DNAH3: variants seen among roughly 807,000 people sequenced by gnomAD.
The protein encoded by DNAH3 is dynein axonemal heavy chain 3.
In DNAH3, 332 loss-of-function variants were observed where a neutral mutation model predicts 432.5. That is an observed-to-expected ratio of 0.77 (90% CI 0.70 to 0.84). The LOEUF (loss-of-function observed/expected upper bound fraction) is 0.84. Ranked by LOEUF, DNAH3 falls within the 40% of genes least tolerant of loss-of-function variation. The pLI is 0.00. For missense variants in DNAH3, 4,861 were observed against 5,114.0 expected, an observed-to-expected ratio of 0.95 and a Z score of 1.51; for synonymous variants, 1,956 against 1,900.2, an observed-to-expected ratio of 1.03 and a Z score of -0.76.
At chr16:20,979,511 A>C in exon 50 of DNAH3, 1 of 1,614,086 alleles carries the variant, frequency 6.2e-7, no homozygotes, top group Non-Finnish European at 8.5e-7. Flanking sequence ...CAGCTTCTTG[A>C]CGCTCTCTTG....
At chr16:21,028,231 A>G (rs957570532) in intron 37 of DNAH3, among the ~76,000 whole-genome samples, 40 of 152,036 alleles carry the variant, frequency 2.6e-4, no homozygotes, top group African/African-American at 9.7e-4. Flanking sequence ...TTTTGTAGAG[A>G]CAGGATCTCA....
intron 31 of DNAH3, among the ~76,000 whole-genome samples, chr16:21,042,940 C>T (rs958025757): frequency 2.0e-4 from 30 of 152,116 alleles, no homozygotes; most frequent in Admixed American, 1.3e-3. Context: ...TTTGTTCTTG[C>T]GATAGTTTAC....
chr16:21,105,443 G>A (rs895215495), intron 15 of DNAH3, among the ~76,000 whole-genome samples: 9 of 152,048 alleles, frequency 5.9e-5, no homozygotes, highest in African/African-American at 1.9e-4. Context: ...AAAGTGTCTC[G>A]GCCTCTTCAA....
intron 19 of DNAH3, 22 bp from the exon 20 acceptor site, chr16:21,081,749 A>C: frequency 6.2e-7 from 1 of 1,607,714 alleles, no homozygotes; most frequent in South Asian, 1.1e-5. Flanking sequence ...AGAGGAAAGC[A>C]AATGTTTGTT....
At chr16:20,956,109 G>A (rs1410661371) in intron 54 of DNAH3, among the ~76,000 whole-genome samples, 1 of 151,864 alleles carries the variant, frequency 6.6e-6, no homozygotes, top group Non-Finnish European at 1.5e-5. Context: ...TGTATTTTTA[G>A]TAGAGACAGG....
At chr16:20,954,958 G>T (rs751789782) in exon 55 of DNAH3, 4 of 1,614,070 alleles carry the variant, frequency 2.5e-6, no homozygotes, top group East Asian at 2.2e-5. Flanking sequence ...AGCGCAACAG[G>T]TTGGCCCGGA....
chr16:20,975,439 A>G (rs747347882), intron 50 of DNAH3, 24 bp from the exon 51 acceptor site: 2 of 1,607,414 alleles, frequency 1.2e-6, no homozygotes, highest in Middle Eastern at 1.7e-4. Context: ...AGGTGGGAGA[A>G]ATCCAGGGTC....
chr16:21,081,013 G>A (rs1411872556), intron 20 of DNAH3, among the ~76,000 whole-genome samples: 4 of 152,086 alleles, frequency 2.6e-5, no homozygotes, highest in African/African-American at 7.2e-5. Context: ...CACCTCCTGG[G>A]TTCGAGCGAT....
chr16:21,132,473 G>C (rs2092579002), intron 7 of DNAH3, among the ~76,000 whole-genome samples: 1 of 152,132 alleles, frequency 6.6e-6, no homozygotes, highest in Non-Finnish European at 1.5e-5. Context: ...AAAAAAACCA[G>C]AGTCTTCCAC....
intron 1 of DNAH3, among the ~76,000 whole-genome samples, chr16:21,154,766 A>G (rs1027276758): frequency 6.6e-6 from 1 of 152,202 alleles, no homozygotes; most frequent in African/African-American, 2.4e-5. Flanking sequence ...CATGGCTTCA[A>G]CCGAAAACCT....
chr16:21,069,690 A>T lies in DNAH3; in HGVS notation c.3202-96T>A. 4 of 1,070,328 alleles carry T rather than the reference A, an allele frequency of 3.7e-6. No homozygotes were observed. In the South Asian group the frequency reaches 6.3e-5, roughly 17 times the overall value. The allele number at this position is 1,070,328 out of a possible 1,614,324, so 66.3% of individuals were successfully genotyped here. On this transcript the variant is annotated intron_variant, in intron 22 of 61. Transcript: ENST00000261383. Reference sequence around the variant, plus strand: ...AATGGATGGAGCCGTACATTTATTCATTCATTCAGTCTGTCACTTGTTTAA... The same window carrying T: ...AATGGATGGAGCCGTACATTTATTCTTTCATTCAGTCTGTCACTTGTTTAA...
chr16:20,974,872 G>A (rs1450989854), intron 51 of DNAH3, among the ~76,000 whole-genome samples: 1 of 151,706 alleles, frequency 6.6e-6, no homozygotes, highest in Non-Finnish European at 1.5e-5. Context: ...AGGCTGGAGT[G>A]CAGTGGTGCA....
chr16:21,039,214 C>CT (rs200708542), intron 33 of DNAH3, among the ~76,000 whole-genome samples: 5,454 of 124,978 alleles, frequency 0.044, 600 homozygotes, highest in African/African-American at 0.14. Flanking sequence ...TATAGTGTTG[C>CT]TTTTTTTTTT....
intron 19 of DNAH3, among the ~76,000 whole-genome samples, chr16:21,085,618 C>T (rs1393706095): frequency 2.0e-5 from 3 of 151,802 alleles, no homozygotes; most frequent in African/African-American, 7.3e-5. Context: ...GTTAGGTCTC[C>T]AGTTCAAGAC....
At chr16:21,029,668 T>TA (rs1474071328) in intron 37 of DNAH3, among the ~76,000 whole-genome samples, 3 of 152,186 alleles carry the variant, frequency 2.0e-5, no homozygotes, top group Non-Finnish European at 4.4e-5. Flanking sequence ...GCGCCATACT[T>TA]ACTGTGTTAT....
intron 41 of DNAH3, among the ~76,000 whole-genome samples, chr16:21,013,599 A>T (rs2087711420): frequency 6.6e-6 from 1 of 151,510 alleles, no homozygotes; most frequent in African/African-American, 2.4e-5. Context: ...CATGACTTTA[A>T]TCCCAGCTAC....
intron 18 of DNAH3, among the ~76,000 whole-genome samples, chr16:21,095,589 G>A (rs1323660332): frequency 1.3e-5 from 2 of 152,142 alleles, no homozygotes; most frequent in Non-Finnish European, 2.9e-5. Context: ...AATTTATTGA[G>A]TTGATGAAAT....
exon 37 of DNAH3, chr16:21,031,171 G>T (rs780314497): frequency 1.2e-6 from 2 of 1,614,072 alleles, no homozygotes; most frequent in Non-Finnish European, 1.7e-6. Context: ...CATTGGCAAG[G>T]ACACCATCCA....
intron 10 of DNAH3, among the ~76,000 whole-genome samples, chr16:21,121,582 GTCTTTTTTTTTTTTTCTTTTT>G (rs1269078821): frequency 1.3e-5 from 2 of 150,084 alleles, no homozygotes; most frequent in African/African-American, 2.5e-5. Flanking sequence ...CACAAAGTAG[GTCTTTTTTTTTTTTTCTTTTT>G]TCTTTTTTTT....
Sources: allele counts gnomAD v4.1 joint callset (sites outside exome capture counted in the v4.1 genomes callset), GRCh38; gene constraint gnomAD v4.1.1; transcripts MANE v1.5; gene names NCBI Gene and HGNC (gene_info 2026-07-23, HGNC 2026-07-21).